Variants in AOPEP observed in about 807,000 individuals in gnomAD.
AOPEP encodes aminopeptidase O (putative).
A neutral mutation model predicts 98.1 loss-of-function variants in AOPEP; 77 were observed. That is an observed-to-expected ratio of 0.78 (90% CI 0.65 to 0.95). The LOEUF (loss-of-function observed/expected upper bound fraction) is 0.95, where lower values mean the gene tolerates loss of function less well. AOPEP is among the 40% of genes least tolerant of loss of function. The pLI is 0.00. For missense variants in AOPEP, 1,024 were observed against 1,024.7 expected (o/e 1.00, Z 0.01); for synonymous variants, 346 against 365.3 (o/e 0.95, Z 0.60).
rs2053964793 is a variant in AOPEP at position 94,924,003 on chromosome 9, T to C, written c.1382T>C (p.Leu461Pro). The change falls in exon 6 of 17, where the codon CTC becomes CCC. Residue 461 changes from leucine to proline, a missense_variant. Around this residue, in one of 3 missense-constraint regions of AOPEP, gnomAD observed 566 missense variants for 551.7 expected, o/e 1.03. Transcript: ENST00000375315. ...LGMASPHIMFLSQSILTGGNH... is the reference protein window; with the variant it reads ...LGMASPHIMFPSQSILTGGNH... ...ATCCACAGCCCACACATCATGTTCC[T>C]CTCTCAGAGCATCTTGACAGGAGGG... The C allele has an allele frequency of 2.0e-6, 3 of 1,468,992 alleles. No individual in the cohort carries two copies. The highest frequency in any genetic ancestry group is 2.7e-6 in the Non-Finnish European group (3 of 1,104,502). The allele number at this position is 1,468,992 out of a possible 1,614,324, so 91.0% of individuals were successfully genotyped here.
intron 5 of AOPEP, among the ~76,000 whole-genome samples, chr9:94,909,686 AC>A (rs1293236913): frequency 2.0e-5 from 3 of 152,200 alleles, no homozygotes; most frequent in African/African-American, 7.2e-5. Context: ...AGGGTGGCAT[AC>A]GCTGATGTCT....
chr9:95,070,209 C>T (rs1194059755), intron 14 of AOPEP, among the ~76,000 whole-genome samples: 3 of 152,188 alleles, frequency 2.0e-5, no homozygotes, highest in Non-Finnish European at 4.4e-5. Context: ...GCAGAGGCCC[C>T]CCTTACCAGC....
At chr9:94,975,843 C>T (rs777946131) in intron 10 of AOPEP, among the ~76,000 whole-genome samples, 1 of 152,208 alleles carries the variant, frequency 6.6e-6, no homozygotes, top group African/African-American at 2.4e-5. Context: ...CTGCAGAGTC[C>T]CCGCAGGACC....
intron 5 of AOPEP, among the ~76,000 whole-genome samples, chr9:94,860,841 A>G (rs1375460772): frequency 6.6e-6 from 1 of 152,198 alleles, no homozygotes; most frequent in Non-Finnish European, 1.5e-5. Flanking sequence ...CACCATAAAT[A>G]GTAGATTTTA....
intron 5 of AOPEP, among the ~76,000 whole-genome samples, chr9:94,883,969 C>A (rs1256713424): frequency 6.6e-6 from 1 of 152,144 alleles, no homozygotes; most frequent in Non-Finnish European, 1.5e-5. Flanking sequence ...TCTGGCCACC[C>A]CTTGATCCAT....
At chr9:95,019,582 T>A (rs192134750) in intron 13 of AOPEP, 2 of 152,382 alleles carry the variant, frequency 1.3e-5, no homozygotes, top group East Asian at 3.9e-4. Context: ...CAGCTACCTG[T>A]TACCCTTTTG....
chr9:94,731,568 T>G (rs1351468456), intron 1 of AOPEP, among the ~76,000 whole-genome samples: 2 of 152,028 alleles, frequency 1.3e-5, no homozygotes, highest in East Asian at 3.9e-4. Context: ...GAATAGTTCT[T>G]CAGTATTCTC....
chr9:94,799,267 A>G (rs896409892), intron 4 of AOPEP, among the ~76,000 whole-genome samples: 2 of 152,228 alleles, frequency 1.3e-5, no homozygotes, highest in Non-Finnish European at 2.9e-5. Context: ...ACCTGTAGTT[A>G]TAATTGGCTG....
At chr9:95,124,843 A>G in the AOPEP span, among the ~76,000 whole-genome samples, 4 of 152,226 alleles carry the variant, frequency 2.6e-5, no homozygotes, top group African/African-American at 9.6e-5. Flanking sequence ...GCATGCTGGC[A>G]TGACAGAGTT....
At chr9:95,040,705 C>T (rs1233914770) in intron 13 of AOPEP, among the ~76,000 whole-genome samples, 4 of 152,230 alleles carry the variant, frequency 2.6e-5, no homozygotes, top group African/African-American at 7.2e-5. Context: ...GGCCCAAGCT[C>T]CTGGAGGTGG....
chr9:95,144,987 C>T, the AOPEP span, among the ~76,000 whole-genome samples: 7 of 152,186 alleles, frequency 4.6e-5, no homozygotes, highest in African/African-American at 1.7e-4. Flanking sequence ...AGAAAAAAGG[C>T]CATTTTATTT....
chr9:95,057,611 ATTATC>A (rs931997736), intron 13 of AOPEP, among the ~76,000 whole-genome samples: 4 of 152,222 alleles, frequency 2.6e-5, no homozygotes, highest in African/African-American at 7.2e-5. Context: ...TTTAAGGTCT[ATTATC>A]TTATCCTTTA....
downstream of AOPEP, among the ~76,000 whole-genome samples, chr9:95,090,280 C>T (rs1168432943): frequency 6.6e-6 from 1 of 152,266 alleles, no homozygotes; most frequent in African/African-American, 2.4e-5. Flanking sequence ...TTAATTGCCA[C>T]TGTCCTCCAG....
chr9:95,001,327 C>T (rs763064203), intron 11 of AOPEP, among the ~76,000 whole-genome samples: 4 of 152,126 alleles, frequency 2.6e-5, no homozygotes, highest in African/African-American at 4.8e-5. Flanking sequence ...ACTGCTTTGA[C>T]AAAAAAAGTT....
the AOPEP span, among the ~76,000 whole-genome samples, chr9:95,094,770 A>G: frequency 0.014 from 2,069 of 152,244 alleles, 43 homozygotes; most frequent in African/African-American, 0.047. Flanking sequence ...GGTTCAAGCA[A>G]TTCTCCTGCC....
the AOPEP span, among the ~76,000 whole-genome samples, chr9:95,132,586 G>A: frequency 6.6e-6 from 1 of 152,178 alleles, no homozygotes; most frequent in Admixed American, 6.5e-5. Flanking sequence ...ACCAACCGTG[G>A]CAGACAGCAT....
rs963224133 is a variant in AOPEP at position 95,060,758 on chromosome 9, G to A, written c.2180G>A (p.Arg727Gln). ...TTGGAGCAGAAGACTCTGAGCCCCC[G>A]AACTCTGCAAAGCCTCCAGAGGACA... ...HLLEQKTLSP[R>Q]TLQSLQRTYH... Residue 727 changes from arginine to glutamine, a missense_variant, in exon 14 of 17, where the codon CGA becomes CAA. Transcript: ENST00000375315. The A allele has an allele frequency of 6.2e-6, 10 of 1,613,920 alleles. No homozygotes were observed. Among genetic ancestry groups the A allele is most frequent in the African/African-American group, 1.3e-5 (1 of 74,888 alleles).
chr9:95,046,171 T>C (rs2065851276), intron 13 of AOPEP, among the ~76,000 whole-genome samples: 1 of 152,238 alleles, frequency 6.6e-6, no homozygotes, highest in Non-Finnish European at 1.5e-5. Context: ...AAGTTAAATC[T>C]GTGATGTTAG....
chr9:94,847,927 CA>C (rs2043054808), intron 5 of AOPEP, among the ~76,000 whole-genome samples: 1 of 152,164 alleles, frequency 6.6e-6, no homozygotes, highest in African/African-American at 2.4e-5. Context: ...TGGACTGAAG[CA>C]AAGTGAGAAA....
Sources: allele counts gnomAD v4.1 joint callset (sites outside exome capture counted in the v4.1 genomes callset), GRCh38; gene constraint gnomAD v4.1.1; regional missense constraint gnomAD v4.1.1; transcripts MANE v1.5; gene names NCBI Gene and HGNC (gene_info 2026-07-23, HGNC 2026-07-21).